Variants in ZEB2 observed in about 807,000 individuals in gnomAD.
ZEB2 encodes the protein zinc finger E-box-binding homeobox 2.
ZEB2 carries 6 observed loss-of-function variants against 99.9 expected under a neutral mutation model. The observed-to-expected ratio is 0.06, with a 90% CI of 0.03 to 0.12. The LOEUF (loss-of-function observed/expected upper bound fraction) is 0.12, where lower values mean the gene tolerates loss of function less well. ZEB2 is among the 10% of genes least tolerant of loss of function. The probability of loss-of-function intolerance (pLI) is 1.00; values close to 1 mark genes in which losing one functional copy is unlikely to be tolerated. For synonymous variants in ZEB2, 517 were observed against 542.5 expected (o/e 0.95, Z 0.65); for missense variants, 969 against 1,502.8 (o/e 0.64, Z 5.87).
chr2:144,414,315 C>G (rs1441340757), intron 4 of ZEB2, among the ~76,000 whole-genome samples: 1 of 152,064 alleles, frequency 6.6e-6, no homozygotes, highest in Non-Finnish European at 1.5e-5. Context: ...TGGTGGGGCC[C>G]AGTGTAAAAT....
At chr2:144,447,399 G>A (rs1573758139) in intron 2 of ZEB2, among the ~76,000 whole-genome samples, 1 of 152,074 alleles carries the variant, frequency 6.6e-6, no homozygotes, top group Non-Finnish European at 1.5e-5. Flanking sequence ...TGTCTAACAT[G>A]CCTATATATG....
chr2:144,389,269 T>C lies in ZEB2; in HGVS notation c.*182A>G, dbSNP rs1703121308. 1.4e-6 allele frequency: 1 copy of C among 716,666 alleles called. No homozygotes were observed. The highest frequency in any genetic ancestry group is 2.3e-6 in the Non-Finnish European group (1 of 430,604). The allele number at this position is 716,666 out of a possible 1,614,324, so 44.4% of individuals were successfully genotyped here. On this transcript the variant is annotated 3_prime_UTR_variant, in exon 10 of 10. Coordinates refer to ENST00000627532, the MANE Select transcript of ZEB2 (RefSeq NM_014795.4). The surrounding 1 kb of genome is among the most constrained non-coding windows in gnomAD (Gnocchi z 6.8). Reference sequence around the variant, plus strand: ...TACAAAATTTTTGCATAATGCAGTTTTTAACAATACCCAGCTCCAACTCCG... The same window carrying C: ...TACAAAATTTTTGCATAATGCAGTTCTTAACAATACCCAGCTCCAACTCCG...
In ZEB2 at chr2:144,387,597, A is replaced by G. The variant is rs1703102452; in HGVS notation, c.*1854T>C. Reference sequence around the variant, plus strand: ...GTGAGATAAACTATCCCAATCCTTTAAAAAAGGTTACATATTATAAATAAC... The same window carrying G: ...GTGAGATAAACTATCCCAATCCTTTGAAAAAGGTTACATATTATAAATAAC... On this transcript the variant is annotated 3_prime_UTR_variant, in exon 10 of 10. Coordinates refer to ENST00000627532, the MANE Select transcript of ZEB2 (RefSeq NM_014795.4). The G allele has an allele frequency of 6.6e-6, 1 of 152,214 alleles. No individual in the cohort carries two copies. The allele number at this position is 152,214 out of a possible 1,614,324, so 9.4% of individuals were successfully genotyped here.
In ZEB2 at chr2:144,399,264, A is replaced by G; in HGVS notation, c.1923T>C (p.Ser641=). The G allele has an allele frequency of 2.5e-6, 4 of 1,614,152 alleles. No homozygotes were observed. The highest frequency in any genetic ancestry group is 3.4e-6 in the Non-Finnish European group (4 of 1,180,022). The change falls in exon 8 of 10, where the codon TCT becomes TCC. Residue 641 remains serine, a synonymous_variant. Coordinates refer to ENST00000627532, the MANE Select transcript of ZEB2 (RefSeq NM_014795.4). The surrounding 1 kb of genome is among the most constrained non-coding windows in gnomAD (Gnocchi z 5.6). ...NKALLLSSVL[S]EKGMTSPINP... Reference sequence around the variant, plus strand: ...TGATGGGGCTTGTCATTCCTTTCTCAGAAAGTACAGATGACAAGAGGAGGG... The same window carrying G: ...TGATGGGGCTTGTCATTCCTTTCTCGGAAAGTACAGATGACAAGAGGAGGG...
At chr2:144,471,732 A>G (rs1371426796) in intron 2 of ZEB2, among the ~76,000 whole-genome samples, 1 of 152,102 alleles carries the variant, frequency 6.6e-6, no homozygotes, top group Non-Finnish European at 1.5e-5. Flanking sequence ...GACATCTAAA[A>G]TTAATAAGCA....
chr2:144,403,772 T>C (rs1703344640), intron 6 of ZEB2, 144 bp downstream of exon 6: 8 of 1,016,032 alleles, frequency 7.9e-6, no homozygotes, highest in Non-Finnish European at 1.2e-5. Context: ...CAAAAAATCA[T>C]TTAGACCTCA....
chr2:144,435,844 T>C (rs1333270133), intron 2 of ZEB2, among the ~76,000 whole-genome samples: 1 of 152,096 alleles, frequency 6.6e-6, no homozygotes, highest in Non-Finnish European at 1.5e-5. Context: ...TCCAAGTATG[T>C]GCTACTGAGG....
At chr2:144,478,278 T>C (rs1704458482) in intron 2 of ZEB2, among the ~76,000 whole-genome samples, 1 of 152,230 alleles carries the variant, frequency 6.6e-6, no homozygotes, top group Non-Finnish European at 1.5e-5. Flanking sequence ...AGAGCATGAA[T>C]AATGCAAAAT....
chr2:144,410,874 G>T (rs1429378452), intron 4 of ZEB2, among the ~76,000 whole-genome samples: 1 of 151,440 alleles, frequency 6.6e-6, no homozygotes, highest in Non-Finnish European at 1.5e-5. Flanking sequence ...GCAAGTATAT[G>T]TAAAAAACTG....
chr2:144,386,629 A>G lies in ZEB2; in HGVS notation c.*2822T>C, dbSNP rs958594486. ...TGCACATTCATTGTTTGTTGGTCCT[A>G]TCTCTTGTGGATTGGGACACAGATA... On this transcript the variant is annotated 3_prime_UTR_variant, in exon 10 of 10. Coordinates refer to ENST00000627532, the MANE Select transcript of ZEB2 (RefSeq NM_014795.4). 2.0e-5 allele frequency: 3 copies of G among 152,160 alleles called. No individual in the cohort carries two copies. The highest frequency in any genetic ancestry group is 7.2e-5 in the African/African-American group (3 of 41,436). The allele number at this position is 152,160 out of a possible 1,614,324, so 9.4% of individuals were successfully genotyped here.
At chr2:144,452,896 C>T (rs191116359) in intron 2 of ZEB2, among the ~76,000 whole-genome samples, 310 of 152,288 alleles carry the variant, frequency 2.0e-3, no homozygotes, top group Non-Finnish European at 3.7e-3. Flanking sequence ...TGACAAAAGC[C>T]TTTAATCTTT....
At chr2:144,460,112 C>G (rs566780019) in intron 2 of ZEB2, among the ~76,000 whole-genome samples, 2 of 152,282 alleles carry the variant, frequency 1.3e-5, no homozygotes, top group African/African-American at 4.8e-5. Flanking sequence ...TGATTTCATT[C>G]TGAATGCAAT....
At position 144,423,802 on chromosome 2, in the gene ZEB2, G is replaced by A. The variant is rs115067287; in HGVS notation, c.403+994C>T. Among the ~76,000 whole-genome samples, 949 of 152,220 alleles carry A rather than the reference G, an allele frequency of 6.2e-3. 6 individuals carry two copies. Among genetic ancestry groups the A allele is most frequent in the Admixed American group, 0.013 (199 of 15,294 alleles). ...CATTTTAAACAGAAACACAACATGA[G>A]CAGTCTATCATGATGTGTATCAACA... is the stretch of plus-strand genomic sequence containing the variant. On this transcript the variant is annotated intron_variant, in intron 4 of 9. Transcript: ENST00000627532.
At chr2:144,395,452 C>T (rs1297949718) in intron 9 of ZEB2, among the ~76,000 whole-genome samples, 4 of 151,980 alleles carry the variant, frequency 2.6e-5, no homozygotes, top group Admixed American at 6.6e-5. Context: ...TTTTCCTATA[C>T]TCCCCTATTT....
intron 2 of ZEB2, chr2:144,514,294 CCTT>C (rs1344611978): frequency 1.2e-5 from 2 of 164,566 alleles, no homozygotes; most frequent in Non-Finnish European, 2.7e-5. Flanking sequence ...CGTTTTATCT[CCTT>C]GTCGCCTTAG....
At chr2:144,433,560 T>C (rs955182020) in intron 2 of ZEB2, among the ~76,000 whole-genome samples, 1 of 152,302 alleles carries the variant, frequency 6.6e-6, no homozygotes, top group Middle Eastern at 3.4e-3. Flanking sequence ...ATAAAGCTGA[T>C]ACTTAAATTT....
At chr2:144,425,384 T>G (rs1260418472) in intron 3 of ZEB2, among the ~76,000 whole-genome samples, 1 of 152,214 alleles carries the variant, frequency 6.6e-6, no homozygotes, top group Non-Finnish European at 1.5e-5. Flanking sequence ...GAATGCCCAG[T>G]TTGTACAACA....
Position 144,517,372 on chromosome 2 carries a change from C to G in ZEB2, c.-22G>C. ...TCATTGATAAGAGCGGATCAGATGG[C>G]AGTTCGCATGGACTCGGCGCCCTGC... On this transcript the variant is annotated 5_prime_UTR_variant, in exon 2 of 10. Transcript: ENST00000627532. 1 of 1,613,548 alleles carries G rather than the reference C, an allele frequency of 6.2e-7. No individual in the cohort carries two copies. The highest frequency in any genetic ancestry group is 8.5e-7 in the Non-Finnish European group (1 of 1,179,762).
At chr2:144,404,239 G>T in intron 5 of ZEB2, 109 bp from the exon 6 acceptor site, 1 of 1,238,354 alleles carries the variant, frequency 8.1e-7, no homozygotes, top group Non-Finnish European at 1.1e-6. Context: ...ACTGCAATCT[G>T]CTCCACAGAG....
Sources: allele counts gnomAD v4.1 joint callset (sites outside exome capture counted in the v4.1 genomes callset), GRCh38; gene constraint gnomAD v4.1.1; non-coding constraint Gnocchi (gnomAD v3.1); transcripts MANE v1.5; gene names NCBI Gene and HGNC (gene_info 2026-07-23, HGNC 2026-07-21).